CDK13: variants seen among roughly 807,000 people sequenced by gnomAD.
CDK13 encodes the protein cyclin dependent kinase 13, also known as cyclin-dependent kinase 13.
Under a neutral mutation model 137.6 loss-of-function variants are expected in CDK13, and 40 were observed. That is an observed-to-expected ratio of 0.29 (90% CI 0.23 to 0.38). The LOEUF is 0.38. Among genes scored for constraint, CDK13 ranks in the 10% least tolerant of loss-of-function variants. The pLI, the probability that CDK13 is intolerant of heterozygous loss-of-function variation, is 1.00. For synonymous variants in CDK13, 869 were observed against 760.1 expected (o/e 1.14, Z -2.36); for missense variants, 1,704 against 1,951.8 (o/e 0.87, Z 2.39).
At chr7:40,071,382 T>C (rs1786419069) in intron 9 of CDK13, 1 of 152,196 alleles carries the variant, frequency 6.6e-6, no homozygotes, top group Non-Finnish European at 1.5e-5. Context: ...ATCTGTCTGG[T>C]TTAATAGACA....
intron 7 of CDK13, among the ~76,000 whole-genome samples, chr7:40,052,629 A>G (rs1785917696): frequency 6.6e-6 from 1 of 152,122 alleles, no homozygotes; most frequent in Non-Finnish European, 1.5e-5. Context: ...CACTAATACC[A>G]CCCTCCCAAA....
rs538987970 is a variant in CDK13, at chr7:40,086,205, AGAG to A, written c.3030-1917_3030-1915del. Among the ~76,000 whole-genome samples, 38 of 152,328 alleles carry A rather than the reference AGAG, an allele frequency of 2.5e-4. No homozygotes were observed. The East Asian group carries it at 7.3e-3, about 29-fold the overall frequency. On this transcript the variant is annotated intron_variant, in intron 11 of 13. Coordinates refer to ENST00000181839, the MANE Select transcript of CDK13 (RefSeq NM_003718.5). ...ATTTTATAACATGACTAATTGTGAA[AGAG>A]GAGATGTAAAAGAACTTGCTTAAAC...
intron 11 of CDK13, among the ~76,000 whole-genome samples, chr7:40,085,065 CTTACTT>C (rs1426726773): frequency 4.6e-5 from 7 of 152,126 alleles, no homozygotes; most frequent in South Asian, 4.1e-4. Flanking sequence ...TAAAGAATCT[CTTACTT>C]TTAAGGGGGC....
chr7:40,032,645 T>C (rs900968971), intron 5 of CDK13, among the ~76,000 whole-genome samples: 1 of 152,232 alleles, frequency 6.6e-6, no homozygotes, highest in Non-Finnish European at 1.5e-5. Context: ...GAAAAGACTA[T>C]CCTTTCTCCA....
chr7:39,950,669 G>C lies in CDK13; in HGVS notation c.28G>C (p.Gly10Arg), dbSNP rs1787121770. 1.4e-6 allele frequency: 2 copies of C among 1,384,196 alleles called. No homozygotes were observed. Among genetic ancestry groups the C allele is most frequent in the Non-Finnish European group, 1.9e-6 (2 of 1,073,758 alleles). 85.7% of individuals were successfully genotyped at this position (1,384,196 alleles called of 1,614,324 possible). The change falls in exon 1 of 14, where the codon GGG (glycine) becomes CGG (arginine). Residue 10 changes from glycine to arginine, a missense_variant. This residue lies in a region of CDK13 where 1,051 missense variants were observed against 931.0 expected (regional missense o/e 1.13). Coordinates refer to ENST00000181839, the MANE Select transcript of CDK13 (RefSeq NM_003718.5). ...GCCGAGCAGCTCGGACACGGCGCTGGGGGGAGGCGGGGGCCTGAGCTGGGC... is the reference window on the plus strand; with the variant it reads ...GCCGAGCAGCTCGGACACGGCGCTGCGGGGAGGCGGGGGCCTGAGCTGGGC... MPSSSDTAL[G>R]GGGGLSWAEK...
At chr7:40,038,494 G>A (rs1785533871) in intron 5 of CDK13, among the ~76,000 whole-genome samples, 1 of 152,070 alleles carries the variant, frequency 6.6e-6, no homozygotes, top group African/African-American at 2.4e-5. Context: ...TCCTAGAATT[G>A]GGATTGTTAA....
chr7:39,989,200 A>G (rs12532714), intron 2 of CDK13, among the ~76,000 whole-genome samples: 13,726 of 150,804 alleles, frequency 0.091, 1,040 homozygotes, highest in East Asian at 0.36. Flanking sequence ...TTTTTTATTG[A>G]GAAACATATT....
At chr7:39,976,319 T>TCACACA (rs1320736487) in intron 1 of CDK13, among the ~76,000 whole-genome samples, 5 of 54,284 alleles carry the variant, frequency 9.2e-5, no homozygotes, top group African/African-American at 2.1e-4. Flanking sequence ...TCTCTCTCTC[T>TCACACA]CTCTCACACA....
rs778536763 is a variant in CDK13, at chr7:39,988,158, A to G, written c.1771A>G (p.Ile591Val). ...GAAAACCAAACCACTTACACCAAGC[A>G]TAGGAGCCAAGGAGAAGGAGCAACA... is the stretch of plus-strand genomic sequence containing the variant. ...KEKTKPLTPS[I>V]GAKEKEQHVA... The change falls in exon 2 of 14, where the codon ATA (isoleucine) becomes GTA (valine). Residue 591 changes from isoleucine (I) to valine (V), a missense_variant. By Grantham distance (29) the Ile-to-Val change is conservative (BLOSUM62 3). Coordinates refer to ENST00000181839, the MANE Select transcript of CDK13 (RefSeq NM_003718.5). 11 of 1,614,154 alleles carry G rather than the reference A, an allele frequency of 6.8e-6. No homozygotes were observed. Among genetic ancestry groups the G allele is most frequent in the Admixed American group, 1.7e-5 (1 of 60,018 alleles).
chr7:39,974,496 T>A (rs1393343534), intron 1 of CDK13, among the ~76,000 whole-genome samples: 1 of 152,176 alleles, frequency 6.6e-6, no homozygotes, highest in African/African-American at 2.4e-5. Flanking sequence ...TTGCACTTTT[T>A]AAACTTTTAG....
chr7:40,088,058 T>A, intron 11 of CDK13, 68 bp from the exon 12 acceptor site: 1 of 1,333,932 alleles, frequency 7.5e-7, no homozygotes, highest in Non-Finnish European at 1.1e-6. Context: ...ACTTTGTTGC[T>A]ATATAGTAAC....
chr7:40,072,732 C>T (rs1253326783), intron 9 of CDK13: 1 of 152,148 alleles, frequency 6.6e-6, no homozygotes, highest in Non-Finnish European at 1.5e-5. Flanking sequence ...TGATGTACAA[C>T]ATCTAACTTA....
chr7:39,993,896 G>A (rs1206102023), intron 2 of CDK13, among the ~76,000 whole-genome samples: 1 of 152,076 alleles, frequency 6.6e-6, no homozygotes, highest in Non-Finnish European at 1.5e-5. Flanking sequence ...TATGCACCCA[G>A]ATGTATGAAA....
At chr7:39,977,711 T>G (rs1191315116) in intron 1 of CDK13, among the ~76,000 whole-genome samples, 1 of 152,122 alleles carries the variant, frequency 6.6e-6, no homozygotes, top group Non-Finnish European at 1.5e-5. Flanking sequence ...TTGGGGTAAC[T>G]GAAAGATTAT....
intron 7 of CDK13, among the ~76,000 whole-genome samples, chr7:40,055,507 C>T (rs980748965): frequency 6.6e-5 from 10 of 150,870 alleles, no homozygotes; most frequent in African/African-American, 1.2e-4. Context: ...ATCATCTCTA[C>T]GATGTTGACA....
chr7:39,964,644 C>T (rs1403878938), intron 1 of CDK13, among the ~76,000 whole-genome samples: 1 of 148,622 alleles, frequency 6.7e-6, no homozygotes, highest in Non-Finnish European at 1.5e-5. Flanking sequence ...CTGCTCTGAT[C>T]TTAGTTATTT....
intron 5 of CDK13, among the ~76,000 whole-genome samples, chr7:40,032,873 A>G (rs1785409250): frequency 6.6e-6 from 1 of 152,120 alleles, no homozygotes; most frequent in African/African-American, 2.4e-5. Flanking sequence ...GCTACTCTGA[A>G]TCTTTTACTA....
intron 11 of CDK13, among the ~76,000 whole-genome samples, chr7:40,080,986 TTTCTC>T (rs1786651730): frequency 8.4e-6 from 1 of 118,914 alleles, no homozygotes; most frequent in Admixed American, 8.0e-5. Context: ...GACCCAATAA[TTTCTC>T]TTATAGACTT....
Position 40,093,030 on chromosome 7 carries a change from CCTT to C in CDK13, c.3487_3489del (p.Ser1163del). The C allele has an allele frequency of 3.7e-6, 6 of 1,614,174 alleles. No homozygotes were observed. Among genetic ancestry groups the C allele is most frequent in the East Asian group, 2.2e-5 (1 of 44,886 alleles). On this transcript the variant is annotated inframe_deletion, in exon 13 of 14. Transcript: ENST00000181839. ...TTCGAAACCGTTGGGAGGAATTCAG[CCTT>C]CTTCTCAGACCATCCAGCCTAAAGT...
Sources: gnomAD v4.1 joint callset for allele counts (sites outside exome capture counted in the v4.1 genomes callset) on GRCh38, gnomAD v4.1.1 for gene constraint, gnomAD v4.1.1 regional missense constraint, MANE v1.5 for transcripts, NCBI Gene and HGNC (gene_info 2026-07-23, HGNC 2026-07-21) for gene names.